The following IFNAR2 variants were observed in gnomAD, a reference collection of about 807,000 sequenced individuals.
IFNAR2 encodes interferon alpha and beta receptor subunit 2.
In IFNAR2, 30 loss-of-function variants were observed where a neutral mutation model predicts 49.4. That is an observed-to-expected ratio of 0.61 (90% CI 0.45 to 0.82). The LOEUF is 0.82. Among genes scored for constraint, IFNAR2 ranks in the 40% least tolerant of loss-of-function variants. The probability of loss-of-function intolerance (pLI) is 0.00; values close to 1 mark genes in which losing one functional copy is unlikely to be tolerated. For missense variants in IFNAR2, 600 were observed against 622.7 expected, an observed-to-expected ratio of 0.96 and a Z score of 0.39; for synonymous variants, 224 against 234.5, an observed-to-expected ratio of 0.96 and a Z score of 0.41.
Position 33,241,894 on chromosome 21 carries a change from G to A in IFNAR2, c.-29G>A. 6.2e-7 allele frequency: 1 copy of A among 1,609,102 alleles called. No homozygotes were observed. The highest frequency in any genetic ancestry group is 8.5e-7 in the Non-Finnish European group (1 of 1,176,236). On this transcript the variant is annotated 5_prime_UTR_variant, in exon 2 of 9. Transcript: ENST00000342136. ...CCTAATGTTGATTTCAGATGTAAAA[G>A]TCAAGAGAAGACTCTAAAAATAGCA...
intron 1 of IFNAR2, chr21:33,232,878 A>G: frequency 2.2e-6 from 1 of 445,888 alleles, no homozygotes; most frequent in Non-Finnish European, 3.0e-6. Flanking sequence ...CCATATCAGT[A>G]GGAGGTACTA....
At position 33,260,684 on chromosome 21, in the gene IFNAR2, G is replaced by T. The variant is rs1343115369; in HGVS notation, c.797G>T (p.Trp266Leu). ...ACAAGCACCATAGTGACACTGAAAT[G>T]GATTGGTTATATATGCTTAAGAAAT... ...VLTSTIVTLK[W>L]IGYICLRNSL... The change falls in exon 8 of 9, where the codon TGG (tryptophan) becomes TTG (leucine). Residue 266 changes from tryptophan (W) to leucine (L), a missense_variant. Trp to Leu is a moderately conservative substitution (Grantham distance 61). Transcript: ENST00000342136. 6.7e-5 allele frequency: 107 copies of T among 1,600,706 alleles called. No individual in the cohort carries two copies. Among genetic ancestry groups the T allele is most frequent in the Non-Finnish European group, 8.1e-5 (95 of 1,177,066 alleles).
At chr21:33,234,500 A>G (rs955071514) in intron 1 of IFNAR2, among the ~76,000 whole-genome samples, 5 of 152,220 alleles carry the variant, frequency 3.3e-5, no homozygotes, top group Admixed American at 6.5e-5. Flanking sequence ...CTCCTTGACA[A>G]TGTGCATCAG....
rs756064697 is a variant in IFNAR2, at chr21:33,262,751, C to G, written c.841-42C>G. The G allele has an allele frequency of 5.7e-6, 9 of 1,587,548 alleles. No individual in the cohort carries two copies. In the African/African-American group the frequency reaches 8.2e-5, roughly 15 times the overall value. The stretch of plus-strand genomic sequence containing the variant: ...TGTAGAAAATAAAGAGCAAACAGTA[C>G]AGCTGATACGGACTCTCTCTCTCTT... On this transcript the variant is annotated intron_variant, in intron 8 of 8. Coordinates refer to ENST00000342136, the MANE Select transcript of IFNAR2 (RefSeq NM_001289125.3).
At chr21:33,247,542 A>T (rs1309882150) in intron 5 of IFNAR2, among the ~76,000 whole-genome samples, 1 of 151,726 alleles carries the variant, frequency 6.6e-6, no homozygotes, top group Non-Finnish European at 1.5e-5. Context: ...GAGCCACCAC[A>T]CCTGGCCCCA....
intron 7 of IFNAR2, among the ~76,000 whole-genome samples, chr21:33,259,220 A>C (rs1988411121): frequency 6.6e-6 from 1 of 152,116 alleles, no homozygotes; most frequent in South Asian, 2.1e-4. Context: ...TCTCCTTCCC[A>C]AGATGGGTTG....
chr21:33,261,245 C>G (rs989313394), intron 8 of IFNAR2, among the ~76,000 whole-genome samples: 1 of 151,940 alleles, frequency 6.6e-6, no homozygotes, highest in Non-Finnish European at 1.5e-5. Flanking sequence ...CTATGTTGGC[C>G]AGGCTGGTCT....
intron 5 of IFNAR2, among the ~76,000 whole-genome samples, chr21:33,247,250 C>CT (rs1476408945): frequency 5.6e-4 from 47 of 83,784 alleles, no homozygotes; most frequent in African/African-American, 1.4e-3. Flanking sequence ...TTCTTTCTTT[C>CT]TTTCTTTTTT....
chr21:33,247,776 C>T (rs768088762), intron 5 of IFNAR2, among the ~76,000 whole-genome samples: 1 of 152,196 alleles, frequency 6.6e-6, no homozygotes, highest in Non-Finnish European at 1.5e-5. Context: ...CACTTTACAA[C>T]GAGTTTCCAA....
At chr21:33,236,050 A>G (rs1430360607) in intron 1 of IFNAR2, among the ~76,000 whole-genome samples, 1 of 152,248 alleles carries the variant, frequency 6.6e-6, no homozygotes, top group African/African-American at 2.4e-5. Context: ...TGGAATTGCC[A>G]AGTTATACCA....
At position 33,264,661 on chromosome 21, in the gene IFNAR2, G is replaced by A. The variant is rs1988855746; in HGVS notation, c.*1161G>A. 1 of 151,830 alleles carries A rather than the reference G, an allele frequency of 6.6e-6. No individual in the cohort carries two copies. Among genetic ancestry groups the A allele is most frequent in the African/African-American group, 2.4e-5 (1 of 41,290 alleles). 9.4% of individuals were successfully genotyped at this position (151,830 alleles called of 1,614,324 possible). On this transcript the variant is annotated 3_prime_UTR_variant, in exon 9 of 9. Coordinates refer to ENST00000342136, the MANE Select transcript of IFNAR2 (RefSeq NM_001289125.3). ...TGTCAGCTGTGATTACAGTGCCTGT[G>A]GATCTAGGCCGGGTTGGGGGGGTGT...
chr21:33,246,805 C>G lies in IFNAR2; in HGVS notation c.309C>G (p.His103Gln). Residue 103 changes from histidine (H) to glutamine (Q), a missense_variant, in exon 5 of 9, where the codon CAC becomes CAG. Transcript: ENST00000342136. ...TCACAGATGAGTGGAGAAGCACACA[C>G]GAGGCCTATGTCACCGTCCTAGAAG... ...CDLTDEWRST[H>Q]EAYVTVLEGF... 2 of 1,613,932 alleles carry G rather than the reference C, an allele frequency of 1.2e-6. No homozygotes were observed. The highest frequency in any genetic ancestry group is 1.7e-6 in the Non-Finnish European group (2 of 1,179,794).
Position 33,264,457 on chromosome 21 carries a change from A to G in IFNAR2, c.*957A>G, listed in dbSNP as rs1407110421. The G allele has an allele frequency of 2.6e-5, 4 of 152,050 alleles. No homozygotes were observed. The East Asian group carries it at 7.7e-4, about 29-fold the overall frequency. The allele number at this position is 152,050 out of a possible 1,614,324, so 9.4% of individuals were successfully genotyped here. Reference sequence around the variant, plus strand: ...TTAGGATCACGTGTGTGACTAATACAGAAAGGAAACATGGCGTCGGGGAGA... The same window carrying G: ...TTAGGATCACGTGTGTGACTAATACGGAAAGGAAACATGGCGTCGGGGAGA... On this transcript the variant is annotated 3_prime_UTR_variant, in exon 9 of 9. Coordinates refer to ENST00000342136, the MANE Select transcript of IFNAR2 (RefSeq NM_001289125.3).
intron 6 of IFNAR2, among the ~76,000 whole-genome samples, chr21:33,249,460 A>G (rs1241502361): frequency 6.6e-6 from 1 of 151,870 alleles, no homozygotes; most frequent in Non-Finnish European, 1.5e-5. Context: ...CCCTGGAGAG[A>G]TTTATTTGAA....
intron 7 of IFNAR2, among the ~76,000 whole-genome samples, chr21:33,255,597 A>AT (rs1988155714): frequency 6.6e-6 from 1 of 152,224 alleles, no homozygotes; most frequent in Non-Finnish European, 1.5e-5. Flanking sequence ...CTGGGGAGTC[A>AT]GGTGTACCAC....
At chr21:33,234,182 ACT>A (rs1491093339) in intron 1 of IFNAR2, among the ~76,000 whole-genome samples, 2 of 69,848 alleles carry the variant, frequency 2.9e-5, no homozygotes, top group Admixed American at 1.4e-4. Flanking sequence ...AAACAGAAAC[ACT>A]GTGTGTGTGT....
At chr21:33,245,141 C>A in intron 4 of IFNAR2, 67 bp downstream of exon 4, 2 of 1,166,576 alleles carry the variant, frequency 1.7e-6, no homozygotes, top group South Asian at 1.3e-5. Context: ...GAGAGGTGAT[C>A]TTTTCTCTCT....
In IFNAR2 at chr21:33,261,852, G is replaced by A. The variant is rs372074150; in HGVS notation, c.841-941G>A. Among the ~76,000 whole-genome samples the A allele has an allele frequency of 3.7e-4, 57 of 152,216 alleles. No homozygotes were observed. The East Asian group carries it at 9.1e-3, about 24-fold the overall frequency. On this transcript the variant is annotated intron_variant, in intron 8 of 8. Transcript: ENST00000342136. ...GATTGCGCCACTGCACTCCAGCCTC[G>A]GTTACAGAGTGAGACCCTAGCTCTA...
intron 5 of IFNAR2, 41 bp downstream of exon 5, chr21:33,246,931 A>G: frequency 1.3e-6 from 2 of 1,537,576 alleles, no homozygotes; most frequent in Non-Finnish European, 1.8e-6. Context: ...CCCCATCATC[A>G]AGATCTTTAT....
Sources: gnomAD v4.1 joint callset for allele counts (sites outside exome capture counted in the v4.1 genomes callset) on GRCh38, gnomAD v4.1.1 for gene constraint, MANE v1.5 for transcripts, NCBI Gene and HGNC (gene_info 2026-07-23, HGNC 2026-07-21) for gene names.